The following TTC7A variants were observed in gnomAD, a reference collection of about 807,000 sequenced individuals.
The protein encoded by TTC7A is tetratricopeptide repeat protein 7A.
In TTC7A, 110 loss-of-function variants were observed where a neutral mutation model predicts 103.7. The observed-to-expected ratio is 1.06, with a 90% confidence interval of 0.91 to 1.24. TTC7A has a LOEUF of 1.24. Ranked by LOEUF, TTC7A falls within the 50% of genes most tolerant of loss-of-function variation. The pLI is 0.00. For missense variants in TTC7A, 1,340 were observed against 1,116.3 expected, an observed-to-expected ratio of 1.20 and a Z score of -2.86; for synonymous variants, 521 against 467.9, an observed-to-expected ratio of 1.11 and a Z score of -1.47.
chr2:47,007,018 G>T lies in TTC7A; in HGVS notation c.1287+294G>T, dbSNP rs1338873700. ...CTCTGTGCTGAAGAGCTAATAATGTGACTGCATGTGGTGGATATGAGGTGC... is the reference window on the plus strand; with the variant it reads ...CTCTGTGCTGAAGAGCTAATAATGTTACTGCATGTGGTGGATATGAGGTGC... On this transcript the variant is annotated intron_variant, in intron 10 of 19. Transcript: ENST00000319190. This position sits in a 1 kb window ranked among gnomAD's most constrained non-coding sequence, Gnocchi z 4.9. 3.3e-5 allele frequency among the ~76,000 whole-genome samples: 5 copies of T among 152,182 alleles called. No homozygotes were observed. Among genetic ancestry groups the T allele is most frequent in the Non-Finnish European group, 7.3e-5 (5 of 68,032 alleles).
At chr2:47,040,785 CTT>C (rs1681651688) in intron 15 of TTC7A, among the ~76,000 whole-genome samples, 1 of 152,196 alleles carries the variant, frequency 6.6e-6, no homozygotes, top group African/African-American at 2.4e-5. Flanking sequence ...GGACAGGTGA[CTT>C]TACTCCTGTT....
intron 5 of TTC7A, among the ~76,000 whole-genome samples, chr2:46,984,545 C>G (rs544575550): frequency 2.0e-5 from 3 of 152,140 alleles, no homozygotes; most frequent in Non-Finnish European, 4.4e-5. Context: ...CCATTGAGAG[C>G]CCCCCGACAG....
intron 2 of TTC7A, among the ~76,000 whole-genome samples, chr2:46,927,158 A>G (rs1052178232): frequency 6.6e-6 from 1 of 152,114 alleles, no homozygotes; most frequent in African/African-American, 2.4e-5. Flanking sequence ...GGAGGAGAGG[A>G]GAGAATGAGC....
intron 18 of TTC7A, among the ~76,000 whole-genome samples, chr2:47,056,633 A>G (rs1171010238): frequency 6.6e-6 from 1 of 152,220 alleles, no homozygotes; most frequent in Non-Finnish European, 1.5e-5. Context: ...GGATGCCTCA[A>G]AAAAATAATA....
chr2:47,074,034 T>TCCTACCTGGCCCTGCCCAAGCCCTG lies in TTC7A; in HGVS notation c.*112_*113insCTACCTGGCCCTGCCCAAGCCCTGC. The TCCTACCTGGCCCTGCCCAAGCCCTG allele has an allele frequency of 1.3e-6, 1 of 792,044 alleles. No individual in the cohort carries two copies. Among genetic ancestry groups the TCCTACCTGGCCCTGCCCAAGCCCTG allele is most frequent in the Non-Finnish European group, 2.0e-6 (1 of 501,044 alleles). 49.1% of individuals were successfully genotyped at this position (792,044 alleles called of 1,614,324 possible). On this transcript the variant is annotated 3_prime_UTR_variant, in exon 20 of 20. Coordinates refer to ENST00000319190, the MANE Select transcript of TTC7A (RefSeq NM_020458.4). ...AGGTGCGGGGCCTCAGGGAAATACA[T>TCCTACCTGGCCCTGCCCAAGCCCTG]CTTTAGTGAACGCCTCTGCAGCTGC...
intron 2 of TTC7A, among the ~76,000 whole-genome samples, chr2:46,955,967 G>A (rs1329163419): frequency 6.6e-6 from 1 of 152,212 alleles, no homozygotes; most frequent in Non-Finnish European, 1.5e-5. Flanking sequence ...CAAATGGCCT[G>A]CAGAGGCGGG....
At chr2:46,933,567 G>T in intron 2 of TTC7A, among the ~76,000 whole-genome samples, 1 of 152,184 alleles carries the variant, frequency 6.6e-6, no homozygotes, top group East Asian at 1.9e-4. Flanking sequence ...GGGAGGGCTG[G>T]TTCAGTATTG....
chr2:47,025,624 C>T (rs1297246292), intron 14 of TTC7A, among the ~76,000 whole-genome samples: 2 of 152,232 alleles, frequency 1.3e-5, no homozygotes, highest in Non-Finnish European at 2.9e-5. Context: ...AATTGTCACT[C>T]TGTTTCTGAG....
chr2:46,954,478 G>T (rs1291099731), intron 2 of TTC7A, among the ~76,000 whole-genome samples: 1 of 151,420 alleles, frequency 6.6e-6, no homozygotes, highest in Non-Finnish European at 1.5e-5. Flanking sequence ...GCAGCAAAAT[G>T]ATACCATCTT....
intron 5 of TTC7A, among the ~76,000 whole-genome samples, chr2:46,984,027 T>C (rs1381794143): frequency 1.3e-5 from 2 of 152,238 alleles, no homozygotes; most frequent in East Asian, 3.8e-4. Context: ...TAGGAAGGGC[T>C]AAATTCACAC....
At chr2:46,955,768 T>C (rs1024685342) in intron 2 of TTC7A, among the ~76,000 whole-genome samples, 1 of 152,186 alleles carries the variant, frequency 6.6e-6, no homozygotes, top group African/African-American at 2.4e-5. Flanking sequence ...CCCCAGACTC[T>C]TACCTCCCTA....
intron 1 of TTC7A, among the ~76,000 whole-genome samples, chr2:46,950,100 A>C (rs1470780798): frequency 6.6e-6 from 1 of 152,216 alleles, no homozygotes; most frequent in Non-Finnish European, 1.5e-5. Context: ...TTTGTCCCCG[A>C]GTCCTGGGAA....
At chr2:46,927,776 T>A (rs569322849) in intron 2 of TTC7A, among the ~76,000 whole-genome samples, 55 of 150,644 alleles carry the variant, frequency 3.7e-4, no homozygotes, top group African/African-American at 1.3e-3. Context: ...CCTAAAATAC[T>A]ACAGCCAGCT....
chr2:46,978,691 A>G, intron 4 of TTC7A, 101 bp from the exon 5 acceptor site: 2 of 826,454 alleles, frequency 2.4e-6, no homozygotes, highest in Non-Finnish European at 4.0e-6. Context: ...GTGCCCCTGA[A>G]CAACTGGGAC....
intron 15 of TTC7A, among the ~76,000 whole-genome samples, chr2:47,036,788 G>A (rs939911512): frequency 3.9e-5 from 6 of 152,234 alleles, no homozygotes; most frequent in Non-Finnish European, 8.8e-5. Flanking sequence ...AGCCTAGGAA[G>A]TTCAGGCTGC....
intron 2 of TTC7A, among the ~76,000 whole-genome samples, chr2:46,953,949 C>T (rs2103993499): frequency 6.6e-6 from 1 of 152,112 alleles, no homozygotes; most frequent in East Asian, 1.9e-4. Flanking sequence ...AGGTGTGAGC[C>T]ACTGTGCCCT....
Position 46,993,354 on chromosome 2 carries a change from G to T in TTC7A, c.765-96G>T. 2.6e-6 allele frequency: 3 copies of T among 1,156,586 alleles called. No homozygotes were observed. The Admixed American group carries it at 5.4e-5, about 21-fold the overall frequency. The allele number at this position is 1,156,586 out of a possible 1,614,324, so 71.6% of individuals were successfully genotyped here. A position where few individuals can be genotyped will look rare whatever the true frequency, so the allele number is the denominator to read the frequency against. On this transcript the variant is annotated intron_variant, in intron 5 of 19. Coordinates refer to ENST00000319190, the MANE Select transcript of TTC7A (RefSeq NM_020458.4). ...TCGAATGTGTTCAAATAAAACTCCA[G>T]CAGTCAGCTCCTCCTGGGGTCTGCT... is the stretch of plus-strand genomic sequence containing the variant.
intron 15 of TTC7A, among the ~76,000 whole-genome samples, chr2:47,040,919 G>A (rs1240559180): frequency 1.3e-5 from 2 of 152,198 alleles, no homozygotes; most frequent in Non-Finnish European, 2.9e-5. Flanking sequence ...TGTGAGGCTC[G>A]AGGACAGTAC....
intron 11 of TTC7A, among the ~76,000 whole-genome samples, chr2:47,020,265 G>A (rs920023999): frequency 6.6e-6 from 1 of 152,202 alleles, no homozygotes; most frequent in African/African-American, 2.4e-5. Context: ...AGCCTGTCTG[G>A]GGCTTGTCTT....
Sources: gnomAD v4.1 joint callset for allele counts (sites outside exome capture counted in the v4.1 genomes callset) on GRCh38, gnomAD v4.1.1 for gene constraint, Gnocchi (gnomAD v3.1) non-coding constraint, MANE v1.5 for transcripts, NCBI Gene and HGNC (gene_info 2026-07-23, HGNC 2026-07-21) for gene names.